The following SMG7 variants were observed in gnomAD, a reference collection of about 807,000 sequenced individuals.
SMG7 encodes the protein SMG7 nonsense mediated mRNA decay factor, also known as nonsense-mediated mRNA decay factor SMG7.
Under a neutral mutation model 148.2 loss-of-function variants are expected in SMG7, and 34 were observed. The ratio of observed to expected loss-of-function variants is 0.23; its 90% CI spans 0.17 to 0.31. The LOEUF is 0.31. Among genes scored for constraint, SMG7 ranks in the 10% least tolerant of loss-of-function variants. The pLI, the probability that SMG7 is intolerant of heterozygous loss-of-function variation, is 1.00. For missense variants in SMG7, 1,114 were observed against 1,408.4 expected (o/e 0.79, Z 3.35); for synonymous variants, 492 against 515.1 (o/e 0.96, Z 0.61).
chr1:183,480,745 G>A (rs1253699343), intron 1 of SMG7, among the ~76,000 whole-genome samples: 2 of 152,132 alleles, frequency 1.3e-5, no homozygotes, highest in Non-Finnish European at 2.9e-5. Context: ...GTTGCGTTTA[G>A]CATCAAGATT....
At chr1:183,509,066 T>C (rs766633445) in intron 1 of SMG7, among the ~76,000 whole-genome samples, 2 of 152,156 alleles carry the variant, frequency 1.3e-5, no homozygotes, top group Non-Finnish European at 2.9e-5. Flanking sequence ...TTAGGGTTGG[T>C]GGGCCATGTG....
chr1:183,504,318 T>C (rs1233575280), intron 1 of SMG7, among the ~76,000 whole-genome samples: 1 of 151,122 alleles, frequency 6.6e-6, no homozygotes, highest in Non-Finnish European at 1.5e-5. Flanking sequence ...TTTCTGTTGA[T>C]ATCTTGATTT....
At position 183,528,899 on chromosome 1, in the gene SMG7, T is replaced by C. The variant is rs955220763; in HGVS notation, c.564T>C (p.Pro188=). 7 of 1,612,624 alleles carry C rather than the reference T, an allele frequency of 4.3e-6. No individual in the cohort carries two copies. Among genetic ancestry groups the C allele is most frequent in the Non-Finnish European group, 5.9e-6 (7 of 1,179,166 alleles). Residue 188 remains proline, a synonymous_variant, in exon 7 of 23, where the codon CCT becomes CCC. Transcript: ENST00000688051. ...AAQLVPSNGQ[P]YNQLAILASS... ...CTTAACTTTCTCCTGTAGGTCAGCCTTATAATCAGTTGGCTATCTTAGCTT... is the reference window on the plus strand; with the variant it reads ...CTTAACTTTCTCCTGTAGGTCAGCCCTATAATCAGTTGGCTATCTTAGCTT...
At chr1:183,499,746 A>T (rs984077000) in intron 1 of SMG7, among the ~76,000 whole-genome samples, 2 of 152,102 alleles carry the variant, frequency 1.3e-5, no homozygotes, top group Non-Finnish European at 2.9e-5. Context: ...TCCCTTTGTC[A>T]GTTTTTTCAT....
Position 183,553,025 on chromosome 1 carries a change from G to C in SMG7, c.*1094G>C. On this transcript the variant is annotated 3_prime_UTR_variant, in exon 23 of 23. Transcript: ENST00000688051. ...GTTGGGGCCCAAAAGACAGTCTGAA[G>C]AGGAAGGAAGCAGCAGTATCTGCGT... is the stretch of plus-strand genomic sequence containing the variant. 1 of 1,536,286 alleles carries C rather than the reference G, an allele frequency of 6.5e-7. No individual in the cohort carries two copies. Among genetic ancestry groups the C allele is most frequent in the Non-Finnish European group, 8.7e-7 (1 of 1,146,938 alleles).
In SMG7 at chr1:183,551,060, G is replaced by A. The variant is rs143367257; in HGVS notation, c.3320G>A (p.Gly1107Asp). 16 of 1,613,884 alleles carry A rather than the reference G, an allele frequency of 9.9e-6. No individual in the cohort carries two copies. Among genetic ancestry groups the A allele is most frequent in the Non-Finnish European group, 1.0e-5 (12 of 1,179,982 alleles). Residue 1107 changes from glycine (G) to aspartate (D), a missense_variant, in exon 22 of 23, where the codon GGC becomes GAC. Coordinates refer to ENST00000688051, the MANE Select transcript of SMG7 (RefSeq NM_001375584.1). ...KTDKPAMGGF[G>D]IDYLSATSSS... ...CATCCCTTAGCCATGGGTGGGTTTG[G>A]CATTGATTATCTCTCAGCAACGTCA...
chr1:183,513,734 A>T (rs1157623310), intron 2 of SMG7, among the ~76,000 whole-genome samples: 4 of 152,052 alleles, frequency 2.6e-5, no homozygotes, highest in African/African-American at 9.7e-5. Context: ...TTAGCCATTG[A>T]AAGGAGTAAA....
intron 1 of SMG7, among the ~76,000 whole-genome samples, chr1:183,488,906 A>T (rs1002921826): frequency 4.6e-5 from 7 of 151,944 alleles, no homozygotes; most frequent in African/African-American, 1.7e-4. Flanking sequence ...CAGGTCTCGA[A>T]CTTCTGACCT....
At chr1:183,517,953 T>C in intron 4 of SMG7, 133 bp downstream of exon 4, 2 of 924,082 alleles carry the variant, frequency 2.2e-6, no homozygotes, top group South Asian at 3.3e-5. Flanking sequence ...ACCTATAATC[T>C]TTTCTTTTTT....
chr1:183,502,097 G>A (rs1659856796), intron 1 of SMG7, among the ~76,000 whole-genome samples: 1 of 151,964 alleles, frequency 6.6e-6, no homozygotes, highest in South Asian at 2.1e-4. Flanking sequence ...TTAAATGTTT[G>A]TTCTAAGAAA....
Position 183,533,150 on chromosome 1 carries a change from GTCT to G in SMG7, c.844-9_844-7del. On this transcript the variant is annotated splice_polypyrimidine_tract_variant and intron_variant, in intron 8 of 22. Transcript: ENST00000688051. ...TCTTGATAATATATGCAGTACGTCT[GTCT>G]TCTTTTACAGAGGCTGCTATTCCAA... 6.2e-7 allele frequency: 1 copy of G among 1,611,538 alleles called. No individual in the cohort carries two copies. The highest frequency in any genetic ancestry group is 8.5e-7 in the Non-Finnish European group (1 of 1,178,334).
intron 16 of SMG7, 94 bp downstream of exon 16, chr1:183,545,406 C>A: frequency 7.3e-7 from 1 of 1,379,034 alleles, no homozygotes; most frequent in Non-Finnish European, 9.9e-7. Flanking sequence ...CTTTGACATA[C>A]TTCTTGCTTA....
At position 183,538,384 on chromosome 1, in the gene SMG7, A is replaced by G; in HGVS notation, c.1239A>G (p.Thr413=). The change falls in exon 12 of 23, where the codon ACA becomes ACG. Residue 413 remains threonine, a synonymous_variant. Coordinates refer to ENST00000688051, the MANE Select transcript of SMG7 (RefSeq NM_001375584.1). ...HEEDLSSISA[T]PLPEEFELQG... is the part of the protein sequence containing the mutation. ...ATTTTGATTTTGACCCTTTAGCGAC[A>G]CCACTTCCAGAGGAGTTTGAATTAC... 1 of 1,612,640 alleles carries G rather than the reference A, an allele frequency of 6.2e-7. No individual in the cohort carries two copies. Among genetic ancestry groups the G allele is most frequent in the Admixed American group, 1.7e-5 (1 of 60,014 alleles).
intron 1 of SMG7, among the ~76,000 whole-genome samples, chr1:183,493,118 A>G (rs1657480587): frequency 6.6e-6 from 1 of 151,774 alleles, no homozygotes; most frequent in Admixed American, 6.6e-5. Context: ...ACAGGAATGC[A>G]CTGCCACTGT....
At chr1:183,472,757 T>G in intron 1 of SMG7, 108 bp downstream of exon 1, 1 of 1,035,752 alleles carries the variant, frequency 9.7e-7, no homozygotes, top group Non-Finnish European at 1.3e-6. Flanking sequence ...TGCTGCGTCC[T>G]CTCCTCGCCG....
At chr1:183,488,732 CT>C (rs537248477) in intron 1 of SMG7, among the ~76,000 whole-genome samples, 2 of 124,058 alleles carry the variant, frequency 1.6e-5, no homozygotes, top group South Asian at 5.0e-4. Context: ...GTTGCCCAGG[CT>C]GGAGTGCAGT....
Position 183,546,240 on chromosome 1 carries a change from C to G in SMG7, c.2645C>G (p.Ser882Cys). 6.2e-7 allele frequency: 1 copy of G among 1,614,078 alleles called. No individual in the cohort carries two copies. ...TCCTACAGCATGGCTGATAACAGAT[C>G]TGTAATGGCACAGCAAGCAAACATA... ...DSSYSMADNR[S>C]VMAQQANIDR... The change falls in exon 17 of 23, where the codon TCT becomes TGT. Residue 882 changes from serine (S) to cysteine (C), a missense_variant. Physicochemically the swap from Ser to Cys is moderately radical, Grantham distance 112. This residue lies in a region of SMG7 where 788 missense variants were observed against 894.5 expected (regional missense o/e 0.88). Coordinates refer to ENST00000688051, the MANE Select transcript of SMG7 (RefSeq NM_001375584.1).
intron 8 of SMG7, among the ~76,000 whole-genome samples, chr1:183,532,092 C>A (rs1313235646): frequency 6.6e-6 from 1 of 152,022 alleles, no homozygotes; most frequent in Admixed American, 6.6e-5. Context: ...AAAAGACTTC[C>A]CTCTTAGAAT....
At chr1:183,492,539 T>C (rs1020932736) in intron 1 of SMG7, among the ~76,000 whole-genome samples, 7 of 152,216 alleles carry the variant, frequency 4.6e-5, no homozygotes, top group African/African-American at 1.7e-4. Context: ...GGTTTTTGCA[T>C]TTCCAGATAA....
Sources: gnomAD v4.1 joint callset for allele counts (sites outside exome capture counted in the v4.1 genomes callset) on GRCh38, gnomAD v4.1.1 for gene constraint, gnomAD v4.1.1 regional missense constraint, MANE v1.5 for transcripts, NCBI Gene and HGNC (gene_info 2026-07-23, HGNC 2026-07-21) for gene names.